The following UNC5A variants were observed in gnomAD, a reference collection of about 807,000 sequenced individuals.
The protein encoded by UNC5A is unc-5 netrin receptor A, also known as netrin receptor UNC5A.
UNC5A carries 20 observed loss-of-function variants against 87.4 expected under a neutral mutation model. The ratio of observed to expected loss-of-function variants is 0.23; its 90% CI spans 0.16 to 0.33. The LOEUF (loss-of-function observed/expected upper bound fraction) is 0.33, where lower values mean the gene tolerates loss of function less well. Among genes scored for constraint, UNC5A ranks in the 10% least tolerant of loss-of-function variants. UNC5A has a pLI of 1.00. For synonymous variants in UNC5A, 438 were observed against 482.3 expected (o/e 0.91, Z 1.20); for missense variants, 844 against 1,133.4 (o/e 0.74, Z 3.67).
intron 2 of UNC5A, among the ~76,000 whole-genome samples, chr5:176,867,571 G>A (rs926332705): frequency 5.3e-5 from 8 of 152,182 alleles, no homozygotes; most frequent in African/African-American, 1.2e-4. Context: ...TCCCCATCCC[G>A]GCACGTGGGA....
At chr5:176,816,008 A>C (rs1020143338) in intron 1 of UNC5A, among the ~76,000 whole-genome samples, 5 of 152,264 alleles carry the variant, frequency 3.3e-5, no homozygotes, top group Admixed American at 6.5e-5. Flanking sequence ...AGCCCTGAGC[A>C]GAACGAAATT....
At chr5:176,858,707 AAG>A (rs1757724874) in intron 1 of UNC5A, among the ~76,000 whole-genome samples, 1 of 66,562 alleles carries the variant, frequency 1.5e-5, no homozygotes, top group Non-Finnish European at 3.0e-5. Flanking sequence ...AAGCGAAAGA[AAG>A]AAAGAGAGAG....
At chr5:176,820,638 C>T (rs181954727) in intron 1 of UNC5A, among the ~76,000 whole-genome samples, 237 of 152,342 alleles carry the variant, frequency 1.6e-3, no homozygotes, top group African/African-American at 5.4e-3. Flanking sequence ...CCATGGGGAT[C>T]CCAGCAGGCC....
intron 1 of UNC5A, among the ~76,000 whole-genome samples, chr5:176,830,957 G>C (rs893525332): frequency 7.1e-6 from 1 of 140,326 alleles, no homozygotes; most frequent in South Asian, 2.3e-4. Flanking sequence ...TGTATGTGCC[G>C]GCGTGTGTGT....
chr5:176,848,492 T>C lies in UNC5A; in HGVS notation c.71-14132T>C, dbSNP rs925441339. 6.6e-6 allele frequency among the ~76,000 whole-genome samples: 1 copy of C among 152,190 alleles called. No homozygotes were observed. The highest frequency in any genetic ancestry group is 1.5e-5 in the Non-Finnish European group (1 of 68,038). Reference sequence around the variant, plus strand: ...ATACCAGGAGAAAAAAGTATGGCTGTCATTAAGTGAAGTAAACAAGCTGGT... The same window carrying C: ...ATACCAGGAGAAAAAAGTATGGCTGCCATTAAGTGAAGTAAACAAGCTGGT... On this transcript the variant is annotated intron_variant, in intron 1 of 14. Coordinates refer to ENST00000329542, the MANE Select transcript of UNC5A (RefSeq NM_133369.3). This position sits in a 1 kb window ranked among gnomAD's most constrained non-coding sequence, Gnocchi z 5.8.
intron 2 of UNC5A, among the ~76,000 whole-genome samples, chr5:176,863,068 G>A (rs1041427117): frequency 6.6e-6 from 1 of 152,242 alleles, no homozygotes; most frequent in Admixed American, 6.5e-5. Flanking sequence ...TTCTTTGTGC[G>A]TCGGTTCATT....
chr5:176,865,072 C>G lies in UNC5A; in HGVS notation c.292+2227C>G, dbSNP rs1470150578. On this transcript the variant is annotated intron_variant, in intron 2 of 14. Coordinates refer to ENST00000329542, the MANE Select transcript of UNC5A (RefSeq NM_133369.3). This position sits in a 1 kb window ranked among gnomAD's most constrained non-coding sequence, Gnocchi z 5.3. ...TCCATCCTGCCCCTTGCAGATTGGT[C>G]GGGGGAAGCCATGAAATCTCACGTG... 6.0e-6 allele frequency: 2 copies of G among 332,546 alleles called. No homozygotes were observed. Among genetic ancestry groups the G allele is most frequent in the Non-Finnish European group, 1.2e-5 (2 of 167,858 alleles). 20.6% of individuals were successfully genotyped at this position (332,546 alleles called of 1,614,324 possible).
chr5:176,858,596 A>G (rs1757721250), intron 1 of UNC5A, among the ~76,000 whole-genome samples: 1 of 152,036 alleles, frequency 6.6e-6, no homozygotes, highest in Non-Finnish European at 1.5e-5. Flanking sequence ...GGTGGGGACT[A>G]CGGCAAACTA....
intron 1 of UNC5A, among the ~76,000 whole-genome samples, chr5:176,836,490 C>T (rs1757150563): frequency 6.6e-6 from 1 of 152,186 alleles, no homozygotes; most frequent in Non-Finnish European, 1.5e-5. Flanking sequence ...TGAGATCTCA[C>T]AGAGACGACA....
Position 176,869,254 on chromosome 5 carries a change from TG to T in UNC5A, c.721+291del. On this transcript the variant is annotated intron_variant, in intron 5 of 14. Transcript: ENST00000329542. The surrounding 1 kb of genome is among the most constrained non-coding windows in gnomAD (Gnocchi z 9.1). Reference sequence around the variant, plus strand: ...AAAGGTGACAGGCTGTCCCCACTCCTGAGTCTCCAAGGGGGGAATCAGAAGC... The same window carrying T: ...AAAGGTGACAGGCTGTCCCCACTCCTAGTCTCCAAGGGGGGAATCAGAAGC... 6.6e-6 allele frequency among the ~76,000 whole-genome samples: 1 copy of T among 152,186 alleles called. No homozygotes were observed. Among genetic ancestry groups the T allele is most frequent in the Non-Finnish European group, 1.5e-5 (1 of 67,962 alleles).
rs562678281 is a variant in UNC5A, at chr5:176,869,797, G to A, written c.722-573G>A. 2.6e-5 allele frequency: 15 copies of A among 587,642 alleles called. No individual in the cohort carries two copies. The highest frequency in any genetic ancestry group is 2.0e-4 in the Admixed American group (7 of 35,378). 36.4% of individuals were successfully genotyped at this position (587,642 alleles called of 1,614,324 possible). On this transcript the variant is annotated intron_variant, in intron 5 of 14. Coordinates refer to ENST00000329542, the MANE Select transcript of UNC5A (RefSeq NM_133369.3). This position sits in a 1 kb window ranked among gnomAD's most constrained non-coding sequence, Gnocchi z 9.1. ...CTGTGCCCAGGTACCAGCGGCCACC[G>A]CCTCCCGCATCGTTCCTCACCACGC...
chr5:176,831,792 C>T lies in UNC5A; in HGVS notation c.70+20972C>T, dbSNP rs142570702. Among the ~76,000 whole-genome samples, 692 of 152,262 alleles carry T rather than the reference C, an allele frequency of 4.5e-3. 3 individuals carry two copies. The highest frequency in any genetic ancestry group is 8.7e-3 in the South Asian group (42 of 4,822). ...CCACCCATCCCCACTGCTGTACCCA[C>T]CATCTTCCCAAAGCCCACTCAAGCT... is the stretch of plus-strand genomic sequence containing the variant. On this transcript the variant is annotated intron_variant, in intron 1 of 14. Coordinates refer to ENST00000329542, the MANE Select transcript of UNC5A (RefSeq NM_133369.3).
At chr5:176,870,607 G>A (rs1189054580) in intron 6 of UNC5A, 73 bp downstream of exon 6, 9 of 1,465,566 alleles carry the variant, frequency 6.1e-6, no homozygotes, top group Admixed American at 2.2e-5. Context: ...GGAGGTGGGG[G>A]CTGAGGGAGC....
intron 1 of UNC5A, among the ~76,000 whole-genome samples, chr5:176,832,356 G>A (rs1383879719): frequency 1.3e-5 from 2 of 152,222 alleles, no homozygotes; most frequent in African/African-American, 4.8e-5. Context: ...GGTGACAGTT[G>A]TGAAATGCTT....
intron 9 of UNC5A, 25 bp downstream of exon 9, chr5:176,877,304 G>T: frequency 6.3e-7 from 1 of 1,594,370 alleles, no homozygotes. Context: ...CCTGTTGCCG[G>T]GGGTGGGAGG....
chr5:176,820,423 A>G (rs1462304334), intron 1 of UNC5A, among the ~76,000 whole-genome samples: 1 of 152,154 alleles, frequency 6.6e-6, no homozygotes, highest in African/African-American at 2.4e-5. Context: ...AAAGAAAGAA[A>G]AAAATAGAAA....
At chr5:176,829,595 ATGGATGGGTGGG>A (rs1271084086) in intron 1 of UNC5A, among the ~76,000 whole-genome samples, 2 of 134,622 alleles carry the variant, frequency 1.5e-5, no homozygotes, top group Admixed American at 7.3e-5. Context: ...AAGTAGGTGG[ATGGATGGGTGGG>A]TGGATGGGTG....
Position 176,848,269 on chromosome 5 carries a change from C to G in UNC5A, c.71-14355C>G, listed in dbSNP as rs1393740041. On this transcript the variant is annotated intron_variant, in intron 1 of 14. Coordinates refer to ENST00000329542, the MANE Select transcript of UNC5A (RefSeq NM_133369.3). This position sits in a 1 kb window ranked among gnomAD's most constrained non-coding sequence, Gnocchi z 5.8. ...GAGGGGGTACCCCAGCTTCTCTCTCCCCTGCTACCCCAAAGCACAAGAGGG... is the reference window on the plus strand; with the variant it reads ...GAGGGGGTACCCCAGCTTCTCTCTCGCCTGCTACCCCAAAGCACAAGAGGG... 6.6e-6 allele frequency among the ~76,000 whole-genome samples: 1 copy of G among 152,058 alleles called. No individual in the cohort carries two copies. The highest frequency in any genetic ancestry group is 1.5e-5 in the Non-Finnish European group (1 of 68,016).
intron 1 of UNC5A, among the ~76,000 whole-genome samples, chr5:176,858,249 G>A (rs1757714544): frequency 6.6e-6 from 1 of 152,226 alleles, no homozygotes. Context: ...ATGCAGAGAG[G>A]GTGAGATGGC....
Sources: allele counts gnomAD v4.1 joint callset (sites outside exome capture counted in the v4.1 genomes callset), GRCh38; gene constraint gnomAD v4.1.1; non-coding constraint Gnocchi (gnomAD v3.1); transcripts MANE v1.5; gene names NCBI Gene and HGNC (gene_info 2026-07-23, HGNC 2026-07-21).